Variants in MCOLN1 observed in about 807,000 individuals in gnomAD.
The protein encoded by MCOLN1 is mucolipin-1.
Under a neutral mutation model 70.3 loss-of-function variants are expected in MCOLN1, and 50 were observed. The ratio of observed to expected loss-of-function variants is 0.71; its 90% CI spans 0.57 to 0.90. The LOEUF is 0.90. Among genes scored for constraint, MCOLN1 ranks in the 40% least tolerant of loss-of-function variants. The pLI, the probability that MCOLN1 is intolerant of heterozygous loss-of-function variation, is 0.00. For synonymous variants in MCOLN1, 366 were observed against 341.0 expected, an observed-to-expected ratio of 1.07 and a Z score of -0.81; for missense variants, 598 against 803.5, an observed-to-expected ratio of 0.74 and a Z score of 3.09.
Position 7,522,673 on chromosome 19 carries a change from G to C in MCOLN1, c.-78G>C, listed in dbSNP as rs2022510602. The C allele has an allele frequency of 7.2e-7, 1 of 1,380,196 alleles. No individual in the cohort carries two copies. The highest frequency in any genetic ancestry group is 1.5e-5 in the African/African-American group (1 of 66,242). The allele number at this position is 1,380,196 out of a possible 1,614,324, so 85.5% of individuals were successfully genotyped here. ...TTGAAGCCGCGCCGCGAGGGAGCGA[G>C]GTCGCAGTGACAGCGGCGGGCGATC... is the stretch of plus-strand genomic sequence containing the variant. On this transcript the variant is annotated 5_prime_UTR_variant, in exon 1 of 14. Transcript: ENST00000264079.
chr19:7,530,990 T>G (rs1273446665), intron 12 of MCOLN1, among the ~76,000 whole-genome samples: 1 of 152,226 alleles, frequency 6.6e-6, no homozygotes, highest in African/African-American at 2.4e-5. Context: ...ATCTACTGCC[T>G]TGGCCTCCCA....
intron 12 of MCOLN1, among the ~76,000 whole-genome samples, chr19:7,533,031 G>A (rs974337769): frequency 3.9e-5 from 6 of 152,228 alleles, no homozygotes; most frequent in Non-Finnish European, 7.3e-5. Context: ...CACATCCAAT[G>A]TCACCGGCAG....
At position 7,528,332 on chromosome 19, in the gene MCOLN1, G is replaced by A. The variant is rs2022602812; in HGVS notation, c.877+75G>A. The A allele has an allele frequency of 7.0e-7, 1 of 1,423,888 alleles. No individual in the cohort carries two copies. The highest frequency in any genetic ancestry group is 9.9e-7 in the Non-Finnish European group (1 of 1,012,058). 88.2% of individuals were successfully genotyped at this position (1,423,888 alleles called of 1,614,324 possible). A position where few individuals can be genotyped will look rare whatever the true frequency, so the allele number is the denominator to read the frequency against. ...CTGGGATTCCCCAAGCCCCAGATCA[G>A]CGCTGCCTGGGGGCCGTGACCTCCC... On this transcript the variant is annotated intron_variant, in intron 7 of 13. Transcript: ENST00000264079. The surrounding 1 kb of genome is among the most constrained non-coding windows in gnomAD (Gnocchi z 4.2).
rs1022961176 is a variant in MCOLN1, at chr19:7,524,654, A to G, written c.32-307A>G. Among the ~76,000 whole-genome samples the G allele has an allele frequency of 2.0e-5, 3 of 152,170 alleles. No homozygotes were observed. The highest frequency in any genetic ancestry group is 4.4e-5 in the Non-Finnish European group (3 of 68,040). On this transcript the variant is annotated intron_variant, in intron 1 of 13. Transcript: ENST00000264079. This position sits in a 1 kb window ranked among gnomAD's most constrained non-coding sequence, Gnocchi z 4.1. The stretch of plus-strand genomic sequence containing the variant: ...TAAGCATCCAGTCCTTAGCGTTCCC[A>G]TGAGACATATTATTGCCCCATTTCG...
At chr19:7,523,485 A>T (rs558039642) in intron 1 of MCOLN1, among the ~76,000 whole-genome samples, 3 of 152,338 alleles carry the variant, frequency 2.0e-5, no homozygotes, top group African/African-American at 7.2e-5. Flanking sequence ...TGTCGTAAAC[A>T]GCCACAGCAG....
rs554816858 is a variant in MCOLN1 at position 7,532,687 on chromosome 19, C to T, written c.1576-836C>T. ...CCGAGATCAAGCCACTGCACTCCAA[C>T]GTGGGCGAGAGACCGAGACTCTGCT... On this transcript the variant is annotated intron_variant, in intron 12 of 13. Coordinates refer to ENST00000264079, the MANE Select transcript of MCOLN1 (RefSeq NM_020533.3). Among the ~76,000 whole-genome samples, 271 of 152,296 alleles carry T rather than the reference C, an allele frequency of 1.8e-3. 1 individual carries two copies. Among genetic ancestry groups the T allele is most frequent in the African/African-American group, 6.1e-3 (254 of 41,564 alleles).
Position 7,533,910 on chromosome 19 carries a change from G to T in MCOLN1, c.*115G>T. On this transcript the variant is annotated 3_prime_UTR_variant, in exon 14 of 14. Coordinates refer to ENST00000264079, the MANE Select transcript of MCOLN1 (RefSeq NM_020533.3). ...AGGATCGGCTCCCTGTCGCGCCCGAGGAGGGCCTGGACCTTTCGTGTCGGA... is the reference window on the plus strand; with the variant it reads ...AGGATCGGCTCCCTGTCGCGCCCGATGAGGGCCTGGACCTTTCGTGTCGGA... 7.8e-7 allele frequency: 1 copy of T among 1,288,870 alleles called. No individual in the cohort carries two copies. The highest frequency in any genetic ancestry group is 1.1e-6 in the Non-Finnish European group (1 of 909,806). The allele number at this position is 1,288,870 out of a possible 1,614,324, so 79.8% of individuals were successfully genotyped here.
In MCOLN1 at chr19:7,522,747, C is replaced by T; in HGVS notation, c.-4C>T. 6.9e-7 allele frequency: 1 copy of T among 1,448,948 alleles called. No individual in the cohort carries two copies. Among genetic ancestry groups the T allele is most frequent in the Non-Finnish European group, 9.1e-7 (1 of 1,104,754 alleles). 89.8% of individuals were successfully genotyped at this position (1,448,948 alleles called of 1,614,324 possible). ...CCGCCTGCGTCCCGCGCTCCCGCCC[C>T]AGCATGACAGCCCCGGCGGGTCCGC... On this transcript the variant is annotated 5_prime_UTR_variant, in exon 1 of 14. Coordinates refer to ENST00000264079, the MANE Select transcript of MCOLN1 (RefSeq NM_020533.3).
chr19:7,528,019 G>A lies in MCOLN1; in HGVS notation c.777+59G>A. ...GTTCCAGGGCAGGGACCTGGTCAGG[G>A]AGTGTCTTGGGAGCACTGGCCAAGG... On this transcript the variant is annotated intron_variant, in intron 6 of 13. Coordinates refer to ENST00000264079, the MANE Select transcript of MCOLN1 (RefSeq NM_020533.3). The surrounding 1 kb of genome is among the most constrained non-coding windows in gnomAD (Gnocchi z 4.2). The A allele has an allele frequency of 1.3e-6, 2 of 1,562,552 alleles. No individual in the cohort carries two copies. The highest frequency in any genetic ancestry group is 8.8e-7 in the Non-Finnish European group (1 of 1,133,342).
chr19:7,529,754 C>T (rs1168422802), intron 11 of MCOLN1, 42 bp downstream of exon 11: 1 of 1,612,470 alleles, frequency 6.2e-7, no homozygotes, highest in Non-Finnish European at 8.5e-7. Flanking sequence ...ACCCTGTGAC[C>T]TTGTCATTGA....
intron 1 of MCOLN1, among the ~76,000 whole-genome samples, chr19:7,523,852 G>C (rs1298798584): frequency 6.6e-6 from 1 of 151,798 alleles, no homozygotes; most frequent in Non-Finnish European, 1.5e-5. Context: ...GGAGAGGGTG[G>C]ACTTTTTTTT....
intron 5 of MCOLN1, 115 bp from the exon 6 acceptor site, chr19:7,527,749 T>G (rs200033280): frequency 9.0e-7 from 1 of 1,106,962 alleles, no homozygotes; most frequent in East Asian, 2.4e-5. Context: ...TGGTGCCTGC[T>G]GGGTGAGCAC....
Position 7,527,592 on chromosome 19 carries a change from G to T in MCOLN1, c.644G>T (p.Ser215Ile), listed in dbSNP as rs764425529. Residue 215 changes from serine (S) to isoleucine (I), a missense_variant, in exon 5 of 14, where the codon AGC (serine) becomes ATC (isoleucine). Transcript: ENST00000264079. ...GACGATCTCACCCTCTTGGAAAGCA[G>T]CTCCAGTTACAAGAACCTCACGCTC... is the stretch of plus-strand genomic sequence containing the variant. ...PSDDLTLLES[S>I]SSYKNLTLKF... 1.2e-5 allele frequency: 20 copies of T among 1,613,450 alleles called. No homozygotes were observed. The highest frequency in any genetic ancestry group is 1.4e-5 in the Non-Finnish European group (17 of 1,179,476).
chr19:7,528,264 C>A lies in MCOLN1; in HGVS notation c.877+7C>A, dbSNP rs750775589. The A allele has an allele frequency of 1.9e-6, 3 of 1,613,226 alleles. No homozygotes were observed. The highest frequency in any genetic ancestry group is 2.5e-6 in the Non-Finnish European group (3 of 1,179,174). On this transcript the variant is annotated splice_region_variant and intron_variant, in intron 7 of 13. Coordinates refer to ENST00000264079, the MANE Select transcript of MCOLN1 (RefSeq NM_020533.3). The surrounding 1 kb of genome is among the most constrained non-coding windows in gnomAD (Gnocchi z 4.2). The stretch of plus-strand genomic sequence containing the variant: ...CCCAGTGTCTTCCAGCACGGTGAGC[C>A]CCTGAGCCCCAGACCAGCACTGACC...
intron 1 of MCOLN1, 50 bp downstream of exon 1, chr19:7,522,831 G>C (rs899155928): frequency 7.6e-7 from 1 of 1,307,834 alleles, no homozygotes; most frequent in African/African-American, 1.5e-5. Flanking sequence ...CGGGCGGGCT[G>C]TGTCTCCCAC....
Position 7,526,984 on chromosome 19 carries a change from A to G in MCOLN1, c.571+58A>G. ...AGCCTGAGCTGCTGGGATTAAAATC[A>G]ACAGCTGTGGCTGGGCACGGTGGCT... On this transcript the variant is annotated intron_variant, in intron 4 of 13. Transcript: ENST00000264079. The surrounding 1 kb of genome is among the most constrained non-coding windows in gnomAD (Gnocchi z 4.6). 1.2e-6 allele frequency: 2 copies of G among 1,608,592 alleles called. No individual in the cohort carries two copies. Among genetic ancestry groups the G allele is most frequent in the African/African-American group, 2.7e-5 (2 of 74,926 alleles).
rs771168805 is a variant in MCOLN1, at chr19:7,530,511, A to C, written c.1575+10A>C. 26 of 1,606,470 alleles carry C rather than the reference A, an allele frequency of 1.6e-5. No individual in the cohort carries two copies. In the East Asian group the frequency reaches 5.8e-4, roughly 36 times the overall value. On this transcript the variant is annotated intron_variant, in intron 12 of 13. Coordinates refer to ENST00000264079, the MANE Select transcript of MCOLN1 (RefSeq NM_020533.3). Reference sequence around the variant, plus strand: ...CTACGACACCATCAAGGTCAGCCGCATGCACCCAGCCCTGAGCTCGGGCTC... The same window carrying C: ...CTACGACACCATCAAGGTCAGCCGCCTGCACCCAGCCCTGAGCTCGGGCTC...
rs1044919559 is a variant in MCOLN1, at chr19:7,525,354, C to T, written c.237+188C>T. 4.4e-5 allele frequency: 26 copies of T among 592,666 alleles called. No individual in the cohort carries two copies. The highest frequency in any genetic ancestry group is 2.0e-4 in the Admixed American group (8 of 40,450). The allele number at this position is 592,666 out of a possible 1,614,324, so 36.7% of individuals were successfully genotyped here. A position where few individuals can be genotyped will look rare whatever the true frequency, so the allele number is the denominator to read the frequency against. ...TAAAAATACAAAAAAATTAGCCGTG[C>T]GTGGTGGCGGGTGCCTGTAATCCCA... On this transcript the variant is annotated intron_variant, in intron 2 of 13. Coordinates refer to ENST00000264079, the MANE Select transcript of MCOLN1 (RefSeq NM_020533.3). The surrounding 1 kb of genome is among the most constrained non-coding windows in gnomAD (Gnocchi z 4.2).
chr19:7,531,634 G>A lies in MCOLN1; in HGVS notation c.1575+1133G>A, dbSNP rs181886170. ...GACCCCAGCCCCCAGCCATGCCCCC[G>A]ACTCCCTCTGACCCTGCCCAAGGTT... On this transcript the variant is annotated intron_variant, in intron 12 of 13. Coordinates refer to ENST00000264079, the MANE Select transcript of MCOLN1 (RefSeq NM_020533.3). 6.3e-3 allele frequency among the ~76,000 whole-genome samples: 956 copies of A among 151,606 alleles called. 2 individuals carry two copies. The highest frequency in any genetic ancestry group is 9.6e-3 in the Non-Finnish European group (653 of 67,892).
Sources: gnomAD v4.1 joint callset for allele counts (sites outside exome capture counted in the v4.1 genomes callset) on GRCh38, gnomAD v4.1.1 for gene constraint, Gnocchi (gnomAD v3.1) non-coding constraint, MANE v1.5 for transcripts, NCBI Gene and HGNC (gene_info 2026-07-23, HGNC 2026-07-21) for gene names.